TMTC2: variants seen among roughly 807,000 people sequenced by gnomAD.
TMTC2 encodes the protein transmembrane O-mannosyltransferase targeting cadherins 2.
In TMTC2, 43 loss-of-function variants were observed where a neutral mutation model predicts 82.4. The ratio of observed to expected loss-of-function variants is 0.52; its 90% CI spans 0.41 to 0.67. The LOEUF is 0.67. Among genes scored for constraint, TMTC2 ranks in the 30% least tolerant of loss-of-function variants. The pLI, the probability that TMTC2 is intolerant of heterozygous loss-of-function variation, is 0.00. For missense variants in TMTC2, 919 were observed against 1,012.4 expected, an observed-to-expected ratio of 0.91 and a Z score of 1.25; for synonymous variants, 408 against 381.9, an observed-to-expected ratio of 1.07 and a Z score of -0.80.
At chr12:82,936,749 G>C (rs1235059549) in intron 4 of TMTC2, among the ~76,000 whole-genome samples, 2 of 152,044 alleles carry the variant, frequency 1.3e-5, no homozygotes, top group African/African-American at 4.8e-5. Flanking sequence ...ATAAATATCT[G>C]TCAAAAGTTA....
At chr12:83,119,422 G>A (rs1037493726) in intron 11 of TMTC2, among the ~76,000 whole-genome samples, 1 of 152,032 alleles carries the variant, frequency 6.6e-6, no homozygotes, top group South Asian at 2.1e-4. Context: ...TCAGGATCAG[G>A]TTATTTAATT....
At chr12:82,913,097 A>C (rs1007237853) in intron 3 of TMTC2, among the ~76,000 whole-genome samples, 1 of 152,152 alleles carries the variant, frequency 6.6e-6, no homozygotes, top group African/African-American at 2.4e-5. Flanking sequence ...TCTTATCTCT[A>C]ATCACAGTGA....
chr12:83,010,331 G>A (rs1171027000), intron 8 of TMTC2, among the ~76,000 whole-genome samples: 1 of 152,104 alleles, frequency 6.6e-6, no homozygotes, highest in East Asian at 1.9e-4. Context: ...CAGCCATCAG[G>A]CCTCCCAGAT....
chr12:83,105,146 G>A (rs1258827368), intron 11 of TMTC2, among the ~76,000 whole-genome samples: 2 of 152,078 alleles, frequency 1.3e-5, no homozygotes, highest in Admixed American at 6.5e-5. Context: ...TGGACTTCAC[G>A]GTCCGTATTA....
intron 1 of TMTC2, among the ~76,000 whole-genome samples, chr12:82,772,622 T>TG (rs1401885931): frequency 6.6e-6 from 1 of 152,144 alleles, no homozygotes; most frequent in Non-Finnish European, 1.5e-5. Flanking sequence ...GAAAAAATGT[T>TG]GGTTTCTGTA....
chr12:82,757,349 A>G (rs963695579), intron 1 of TMTC2, among the ~76,000 whole-genome samples: 2 of 152,218 alleles, frequency 1.3e-5, no homozygotes, highest in Non-Finnish European at 2.9e-5. Context: ...CTCATGAGTG[A>G]AATCTCTTTA....
intron 1 of TMTC2, among the ~76,000 whole-genome samples, chr12:82,773,650 G>A (rs1178328771): frequency 6.6e-6 from 1 of 151,712 alleles, no homozygotes; most frequent in South Asian, 2.1e-4. Flanking sequence ...TAGTAGAGAC[G>A]GGGTTTCACC....
intron 1 of TMTC2, among the ~76,000 whole-genome samples, chr12:82,688,642 G>T (rs1030976618): frequency 1.3e-5 from 2 of 152,116 alleles, no homozygotes; most frequent in African/African-American, 4.8e-5. Context: ...ATAACAGCAC[G>T]CCTGGCTAAA....
intron 4 of TMTC2, among the ~76,000 whole-genome samples, chr12:82,950,607 A>C (rs1877295253): frequency 6.6e-6 from 1 of 152,200 alleles, no homozygotes; most frequent in Admixed American, 6.5e-5. Flanking sequence ...CTTATTCACC[A>C]CCTGTCACAA....
At chr12:82,932,542 T>C (rs756680329) in intron 4 of TMTC2, among the ~76,000 whole-genome samples, 7 of 152,334 alleles carry the variant, frequency 4.6e-5, no homozygotes, top group Middle Eastern at 3.4e-3. Flanking sequence ...GCTCAAGTCC[T>C]CTTCATCTAA....
intron 1 of TMTC2, among the ~76,000 whole-genome samples, chr12:82,766,619 T>A (rs1159276060): frequency 6.6e-6 from 1 of 152,186 alleles, no homozygotes; most frequent in Non-Finnish European, 1.5e-5. Flanking sequence ...TTATTCTAGA[T>A]CAAGTCCGAC....
At chr12:82,938,674 G>A (rs921812573) in intron 4 of TMTC2, among the ~76,000 whole-genome samples, 1 of 152,096 alleles carries the variant, frequency 6.6e-6, no homozygotes, top group African/African-American at 2.4e-5. Flanking sequence ...AATGAAGTGG[G>A]GCAGCTTGCA....
At chr12:82,736,682 C>T (rs540233148) in intron 1 of TMTC2, among the ~76,000 whole-genome samples, 2 of 152,276 alleles carry the variant, frequency 1.3e-5, no homozygotes, top group East Asian at 3.9e-4. Context: ...TATTTAGTCC[C>T]ATGATTGCTA....
intron 11 of TMTC2, among the ~76,000 whole-genome samples, chr12:83,117,690 A>G (rs1015823931): frequency 2.0e-5 from 3 of 152,164 alleles, no homozygotes; most frequent in African/African-American, 7.2e-5. Flanking sequence ...AATTCTGTGA[A>G]GAATGATGTT....
chr12:82,896,619 T>A lies in TMTC2; in HGVS notation c.1456T>A (p.Ser486Thr). 1 of 1,611,082 alleles carries A rather than the reference T, an allele frequency of 6.2e-7. No homozygotes were observed. Residue 486 changes from serine (S) to threonine (T), a missense_variant, in exon 3 of 12, where the codon TCA (serine) becomes ACA (threonine). Physicochemically the swap from Ser to Thr is moderately conservative, Grantham distance 58 (BLOSUM62 1). Coordinates refer to ENST00000321196, the MANE Select transcript of TMTC2 (RefSeq NM_152588.3). The stretch of plus-strand genomic sequence containing the variant: ...GCAGAATGAGGAAATGCTTTATAGA[T>A]CAGGGATAAAAGTAAACCCAGCTAA... The part of the protein sequence containing the change: ...DWQNEEMLYR[S>T]GIKVNPAKAW...
chr12:82,858,894 T>C (rs1469481386), intron 2 of TMTC2, among the ~76,000 whole-genome samples: 1 of 152,198 alleles, frequency 6.6e-6, no homozygotes, highest in Non-Finnish European at 1.5e-5. Context: ...AGAGTAATTG[T>C]TTTCATCTAA....
At chr12:82,851,209 C>A (rs1182795248) in intron 1 of TMTC2, among the ~76,000 whole-genome samples, 2 of 151,974 alleles carry the variant, frequency 1.3e-5, no homozygotes, top group African/African-American at 4.8e-5. Context: ...GCAGGCAGAT[C>A]ACCTGAGGTC....
At chr12:82,778,729 G>T (rs1225096681) in intron 1 of TMTC2, among the ~76,000 whole-genome samples, 2 of 150,158 alleles carry the variant, frequency 1.3e-5, no homozygotes, top group Non-Finnish European at 3.0e-5. Flanking sequence ...GGCGCCTGTA[G>T]TCCCAGCTAC....
At chr12:82,953,401 G>T (rs1199426755) in intron 4 of TMTC2, among the ~76,000 whole-genome samples, 3 of 152,138 alleles carry the variant, frequency 2.0e-5, no homozygotes, top group Non-Finnish European at 4.4e-5. Flanking sequence ...ATTTAAAAAG[G>T]ATTTTGAATT....
Sources: allele counts gnomAD v4.1 joint callset (sites outside exome capture counted in the v4.1 genomes callset), GRCh38; gene constraint gnomAD v4.1.1; transcripts MANE v1.5; gene names NCBI Gene and HGNC (gene_info 2026-07-23, HGNC 2026-07-21).